Variants in SMIM35 observed in about 807,000 individuals in gnomAD.
The protein encoded by SMIM35 is TMPRSS4 antisense RNA 1 (non-protein coding).
chr11:118,014,417 G>A (rs1276172066), intron 3 of SMIM35, among the ~76,000 whole-genome samples: 1 of 151,522 alleles, frequency 6.6e-6, no homozygotes, highest in African/African-American at 2.4e-5. Context: ...TGGATGGATG[G>A]ATGGATGGAT....
intron 1 of SMIM35, among the ~76,000 whole-genome samples, chr11:118,035,954 C>T (rs1392678371): frequency 1.3e-5 from 2 of 152,212 alleles, no homozygotes; most frequent in African/African-American, 4.8e-5. Context: ...GTGGCACAGT[C>T]TCGGCTCACT....
At chr11:118,029,857 C>A (rs910852692) in intron 1 of SMIM35, 2 of 453,218 alleles carry the variant, frequency 4.4e-6, no homozygotes, top group Admixed American at 4.8e-5. Flanking sequence ...GCATCTGCCT[C>A]CTGCATTGCT....
chr11:118,039,435 C>CTCCTGTAATT (rs1286804551), intron 1 of SMIM35, among the ~76,000 whole-genome samples: 1 of 152,140 alleles, frequency 6.6e-6, no homozygotes, highest in Non-Finnish European at 1.5e-5. Context: ...AGTGGCCTGG[C>CTCCTGTAATT]ACGGTGGCTC....
intron 1 of SMIM35, among the ~76,000 whole-genome samples, chr11:118,082,900 G>A (rs1179740747): frequency 6.6e-6 from 1 of 152,194 alleles, no homozygotes; most frequent in Non-Finnish European, 1.5e-5. Context: ...TCTTCTCGGC[G>A]AGTGGGTTCC....
chr11:118,072,451 G>A lies in SMIM35; in HGVS notation c.7+14300C>T, dbSNP rs182836834. Among the ~76,000 whole-genome samples the A allele has an allele frequency of 2.2e-4, 34 of 152,298 alleles. No individual in the cohort carries two copies. The East Asian group carries it at 2.7e-3, about 12-fold the overall frequency. On this transcript the variant is annotated intron_variant, in intron 1 of 4. Coordinates refer to ENST00000689828, the MANE Select transcript of SMIM35 (RefSeq NM_001394165.1). Reference sequence around the variant, plus strand: ...TGCAGTGAGCGGAGATCGTGACATTGCACTCCAACCTGGGTGACAGAGCTA... The same window carrying A: ...TGCAGTGAGCGGAGATCGTGACATTACACTCCAACCTGGGTGACAGAGCTA...
rs1332871777 is a variant in SMIM35 at position 118,073,549 on chromosome 11, A to G, written c.7+13202T>C. Among the ~76,000 whole-genome samples the G allele has an allele frequency of 2.0e-5, 3 of 152,318 alleles. No homozygotes were observed. The East Asian group carries it at 5.8e-4, about 29-fold the overall frequency. ...AAGTCCCCGGCTGTTGTGAATGCCG[A>G]AAAGAGACAAAAAAGCTGCCGGTGC... On this transcript the variant is annotated intron_variant, in intron 1 of 4. Coordinates refer to ENST00000689828, the MANE Select transcript of SMIM35 (RefSeq NM_001394165.1).
At chr11:118,028,435 T>C (rs1329497456) in intron 1 of SMIM35, among the ~76,000 whole-genome samples, 2 of 150,196 alleles carry the variant, frequency 1.3e-5, no homozygotes, top group Non-Finnish European at 2.9e-5. Flanking sequence ...ATTTATCTCC[T>C]GTTTCTTTAT....
At chr11:118,074,517 C>A (rs567508078) in intron 1 of SMIM35, among the ~76,000 whole-genome samples, 2 of 152,070 alleles carry the variant, frequency 1.3e-5, no homozygotes, top group African/African-American at 4.8e-5. Context: ...GAAACCAGAG[C>A]GAGTGGATCG....
intron 1 of SMIM35, chr11:118,025,271 T>G: frequency 3.3e-6 from 1 of 306,682 alleles, no homozygotes; most frequent in Non-Finnish European, 6.3e-6. Context: ...TTATTTTCTT[T>G]TGGGTATATA....
chr11:118,085,411 G>T (rs1728026392), intron 1 of SMIM35, among the ~76,000 whole-genome samples: 1 of 151,954 alleles, frequency 6.6e-6, no homozygotes, highest in Non-Finnish European at 1.5e-5. Flanking sequence ...TTTTAGTAGA[G>T]ATGGGGTTTC....
intron 1 of SMIM35, chr11:118,029,779 G>A (rs374253547): frequency 4.4e-6 from 2 of 457,242 alleles, no homozygotes. Flanking sequence ...GAGGTCTGAG[G>A]TCCTCCCCCA....
At chr11:118,066,173 C>T (rs917568595) in intron 1 of SMIM35, among the ~76,000 whole-genome samples, 2 of 152,134 alleles carry the variant, frequency 1.3e-5, no homozygotes, top group East Asian at 1.9e-4. Flanking sequence ...CTCTGTTTGC[C>T]ACCTTGGTAG....
At chr11:118,015,495 G>C (rs534335048) in intron 2 of SMIM35, among the ~76,000 whole-genome samples, 198 bp downstream of exon 2, 71 of 152,162 alleles carry the variant, frequency 4.7e-4, no homozygotes, top group African/African-American at 1.5e-3. Context: ...CCATTCCCTC[G>C]ATAAAAGTAC....
intron 1 of SMIM35, among the ~76,000 whole-genome samples, chr11:118,031,264 C>T (rs573814804): frequency 1.8e-4 from 28 of 152,152 alleles, no homozygotes; most frequent in Non-Finnish European, 3.2e-4. Flanking sequence ...ACTAGGAGGG[C>T]TTGAGGCAGC....
At chr11:118,074,474 C>T (rs1039954813) in intron 1 of SMIM35, among the ~76,000 whole-genome samples, 63 of 152,090 alleles carry the variant, frequency 4.1e-4, no homozygotes, top group African/African-American at 1.5e-3. Flanking sequence ...GGGCCGGGTG[C>T]GGTGGCTCAC....
At chr11:118,041,117 T>C (rs1242503320) in intron 1 of SMIM35, among the ~76,000 whole-genome samples, 1 of 152,010 alleles carries the variant, frequency 6.6e-6, no homozygotes, top group Non-Finnish European at 1.5e-5. Context: ...AGTAACCACT[T>C]AAAAATAGTG....
intron 1 of SMIM35, among the ~76,000 whole-genome samples, chr11:118,039,028 A>C (rs540944545): frequency 2.0e-5 from 3 of 152,288 alleles, no homozygotes; most frequent in Admixed American, 6.5e-5. Flanking sequence ...CTTATCATCC[A>C]TTTTAGGGAT....
intron 1 of SMIM35, among the ~76,000 whole-genome samples, chr11:118,042,643 G>C (rs1190216728): frequency 1.3e-5 from 2 of 152,098 alleles, no homozygotes; most frequent in African/African-American, 2.4e-5. Flanking sequence ...AACCAGACAA[G>C]GACATCACAA....
At chr11:118,032,683 G>A in intron 1 of SMIM35, among the ~76,000 whole-genome samples, 1 of 152,152 alleles carries the variant, frequency 6.6e-6, no homozygotes, top group East Asian at 1.9e-4. Flanking sequence ...GAGATGTGGG[G>A]ATCACTTGCG....
Sources: gnomAD v4.1 joint callset for allele counts (sites outside exome capture counted in the v4.1 genomes callset) on GRCh38, gnomAD v4.1.1 for gene constraint, MANE v1.5 for transcripts, NCBI Gene and HGNC (gene_info 2026-07-23, HGNC 2026-07-21) for gene names.